The following LATS2 variants were observed in gnomAD, a reference collection of about 807,000 sequenced individuals.
LATS2 encodes the protein serine/threonine-protein kinase LATS2.
LATS2 carries 24 observed loss-of-function variants against 76.0 expected under a neutral mutation model. The observed-to-expected ratio is 0.32, with a 90% CI of 0.23 to 0.44. LATS2 has a LOEUF of 0.44. LATS2 is among the 20% of genes least tolerant of loss of function. The pLI is 1.00. For synonymous variants in LATS2, 692 were observed against 635.4 expected (o/e 1.09, Z -1.34); for missense variants, 1,286 against 1,481.2 (o/e 0.87, Z 2.16).
intron 2 of LATS2, among the ~76,000 whole-genome samples, chr13:21,006,869 G>A (rs1204146207): frequency 6.6e-6 from 1 of 152,220 alleles, no homozygotes; most frequent in Non-Finnish European, 1.5e-5. Context: ...CTGGGGACAG[G>A]CAGCCCGTGA....
chr13:21,044,940 C>G (rs555643554), intron 2 of LATS2, among the ~76,000 whole-genome samples: 2 of 152,178 alleles, frequency 1.3e-5, no homozygotes, highest in South Asian at 4.2e-4. Context: ...GTTGTCCAGG[C>G]TGGTCTCAAA....
At chr13:20,998,890 G>A (rs1870897901) in intron 2 of LATS2, among the ~76,000 whole-genome samples, 1 of 152,178 alleles carries the variant, frequency 6.6e-6, no homozygotes, top group Admixed American at 6.5e-5. Context: ...CGCGGGGCGG[G>A]GGCCCTGGCG....
chr13:21,023,646 TAAAAAAAAAAAAAAAAA>T (rs1169391710), intron 2 of LATS2, among the ~76,000 whole-genome samples: 5 of 70,052 alleles, frequency 7.1e-5, no homozygotes, highest in African/African-American at 1.5e-4. Flanking sequence ...TGACTGGCTT[TAAAAAAAAAAAAAAAAA>T]AAAAAAAAAA....
At chr13:21,011,189 ATC>A (rs1269362512) in intron 2 of LATS2, among the ~76,000 whole-genome samples, 6 of 152,144 alleles carry the variant, frequency 3.9e-5, no homozygotes, top group Admixed American at 3.3e-4. Flanking sequence ...ACCTCCTCTC[ATC>A]TCTTTCTTGG....
chr13:21,001,722 AAAT>A (rs1178444926), intron 2 of LATS2, among the ~76,000 whole-genome samples: 6 of 151,886 alleles, frequency 4.0e-5, no homozygotes, highest in African/African-American at 9.7e-5. Context: ...GAGCCATAAG[AAAT>A]AATAAGCCAT....
At chr13:21,058,794 A>C (rs1873530295) in intron 1 of LATS2, among the ~76,000 whole-genome samples, 1 of 152,236 alleles carries the variant, frequency 6.6e-6, no homozygotes, top group Non-Finnish European at 1.5e-5. Flanking sequence ...CACTATTATT[A>C]TATTCAGTGC....
chr13:20,985,622 C>T lies in LATS2; in HGVS notation c.1900-1816G>A, dbSNP rs142866652. ...AGCATGGTGTCGCACACCTGTAGTC[C>T]CAGCTCTCAGGAGGCTGAGGCAGGA... On this transcript the variant is annotated intron_variant, in intron 4 of 7. Transcript: ENST00000382592. Among the ~76,000 whole-genome samples the T allele has an allele frequency of 6.7e-3, 1,013 of 152,114 alleles. 10 individuals are homozygous for T. Among genetic ancestry groups the T allele is most frequent in the African/African-American group, 0.017 (709 of 41,488 alleles).
chr13:21,034,751 C>T (rs1040388591), intron 2 of LATS2, among the ~76,000 whole-genome samples: 91 of 152,108 alleles, frequency 6.0e-4, no homozygotes, highest in Middle Eastern at 3.4e-3. Flanking sequence ...CAGCTAGGCT[C>T]GTTGCTGGGG....
At position 20,975,031 on chromosome 13, in the gene LATS2, C is replaced by T. The variant is rs1009657720; in HGVS notation, c.3106G>A (p.Ala1036Thr). Reference protein sequence around the residue: ...TSPNNKHPEHAFYEFTFRRFF... With the variant: ...TSPNNKHPEHTFYEFTFRRFF... Reference sequence around the variant, plus strand: ...CTTCGGAAGGTGAATTCGTAAAATGCGTGCTCAGGATGCTTGTTATTGGGC... The same window carrying T: ...CTTCGGAAGGTGAATTCGTAAAATGTGTGCTCAGGATGCTTGTTATTGGGC... Residue 1036 changes from alanine to threonine, a missense_variant, in exon 8 of 8, where the codon GCA (alanine) becomes ACA (threonine). Around this residue, in one of 5 missense-constraint regions of LATS2, gnomAD observed 210 missense variants for 234.9 expected, o/e 0.89. Transcript: ENST00000382592. 4.3e-6 allele frequency: 7 copies of T among 1,614,090 alleles called. No individual in the cohort carries two copies. The highest frequency in any genetic ancestry group is 2.7e-5 in the African/African-American group (2 of 74,926).
chr13:21,035,102 C>CA (rs1429234594), intron 2 of LATS2, among the ~76,000 whole-genome samples: 5 of 151,532 alleles, frequency 3.3e-5, no homozygotes, highest in Non-Finnish European at 7.4e-5. Context: ...CAAAACAAAA[C>CA]AAAAAAGCAA....
intron 2 of LATS2, among the ~76,000 whole-genome samples, chr13:20,992,373 G>A (rs1870543282): frequency 6.6e-6 from 1 of 152,196 alleles, no homozygotes; most frequent in Admixed American, 6.5e-5. Flanking sequence ...TCAGGCTGGG[G>A]GCGGCTGTGG....
chr13:20,986,776 C>A (rs1870161028), intron 4 of LATS2, among the ~76,000 whole-genome samples: 1 of 152,150 alleles, frequency 6.6e-6, no homozygotes, highest in South Asian at 2.1e-4. Flanking sequence ...ATGCTTCCAA[C>A]ACAGAAATGA....
At position 20,973,409 on chromosome 13, in the gene LATS2, A is replaced by C. The variant is rs1175649959; in HGVS notation, c.*1461T>G. 1 of 232,018 alleles carries C rather than the reference A, an allele frequency of 4.3e-6. No individual in the cohort carries two copies. The highest frequency in any genetic ancestry group is 5.6e-5 in the Admixed American group (1 of 17,748). 14.4% of individuals were successfully genotyped at this position (232,018 alleles called of 1,614,324 possible). A position where few individuals can be genotyped will look rare whatever the true frequency, so the allele number is the denominator to read the frequency against. On this transcript the variant is annotated 3_prime_UTR_variant, in exon 8 of 8. Coordinates refer to ENST00000382592, the MANE Select transcript of LATS2 (RefSeq NM_014572.3). ...AATAATATAATGAAAATTATGAAGCATCAGATTTTTTAAAAAGCAAAAAAG... is the reference window on the plus strand; with the variant it reads ...AATAATATAATGAAAATTATGAAGCCTCAGATTTTTTAAAAAGCAAAAAAG...
intron 2 of LATS2, among the ~76,000 whole-genome samples, chr13:21,027,575 C>CACTACCT (rs1293657189): frequency 1.3e-5 from 2 of 152,142 alleles, no homozygotes; most frequent in Non-Finnish European, 2.9e-5. Flanking sequence ...TACTCTGTTC[C>CACTACCT]ACTACCTGTC....
chr13:20,981,436 C>T (rs1316825497), intron 6 of LATS2, 30 bp downstream of exon 6: 4 of 1,596,160 alleles, frequency 2.5e-6, no homozygotes, highest in Non-Finnish European at 3.4e-6. Context: ...AGGAGACCTC[C>T]TGCGGGGTGG....
chr13:21,045,760 A>G lies in LATS2; in HGVS notation c.267T>C (p.Asn89=). Reference sequence around the variant, plus strand: ...CTGCAGCTGCAGAGGTGCCCGATTCATTAGCAAAAGGCAACAAGGAATATC... The same window carrying G: ...CTGCAGCTGCAGAGGTGCCCGATTCGTTAGCAAAAGGCAACAAGGAATATC... ...EIRYSLLPFA[N]ESGTSAAAEV... The change falls in exon 2 of 8, where the codon AAT becomes AAC. Residue 89 remains asparagine, a synonymous_variant. Coordinates refer to ENST00000382592, the MANE Select transcript of LATS2 (RefSeq NM_014572.3). 6.2e-7 allele frequency: 1 copy of G among 1,614,214 alleles called. No individual in the cohort carries two copies. Among genetic ancestry groups the G allele is most frequent in the Non-Finnish European group, 8.5e-7 (1 of 1,180,046 alleles).
chr13:21,007,707 T>TATATAG (rs1871390414), intron 2 of LATS2, among the ~76,000 whole-genome samples: 2 of 14,364 alleles, frequency 1.4e-4, no homozygotes, highest in Non-Finnish European at 2.0e-4. Context: ...ATAGTATGTA[T>TATATAG]ATATATATAT....
At chr13:21,060,869 G>GCTGT (rs1873616832) in intron 1 of LATS2, among the ~76,000 whole-genome samples, 1 of 151,396 alleles carries the variant, frequency 6.6e-6, no homozygotes, top group African/African-American at 2.4e-5. Context: ...GGGTCCCGAG[G>GCTGT]CTGTCAGGGG....
At chr13:21,060,729 G>GCT (rs1436196338) in intron 1 of LATS2, among the ~76,000 whole-genome samples, 1 of 151,444 alleles carries the variant, frequency 6.6e-6, no homozygotes, top group African/African-American at 2.4e-5. Flanking sequence ...GGGTCCGTCG[G>GCT]CTCGCGGGAC....
Sources: gnomAD v4.1 joint callset for allele counts (sites outside exome capture counted in the v4.1 genomes callset) on GRCh38, gnomAD v4.1.1 for gene constraint, gnomAD v4.1.1 regional missense constraint, MANE v1.5 for transcripts, NCBI Gene and HGNC (gene_info 2026-07-23, HGNC 2026-07-21) for gene names.